The following IRX1 variants were observed in gnomAD, a reference collection of about 807,000 sequenced individuals.
The protein encoded by IRX1 is iroquois homeobox 1.
IRX1 carries 22 observed loss-of-function variants against 34.1 expected under a neutral mutation model. That is an observed-to-expected ratio of 0.64 (90% confidence interval 0.46 to 0.92). The LOEUF is 0.92. Among genes scored for constraint, IRX1 ranks in the 40% least tolerant of loss-of-function variants. The pLI is 0.00. For missense variants in IRX1, 758 were observed against 680.0 expected, an observed-to-expected ratio of 1.11 and a Z score of -1.28; for synonymous variants, 363 against 319.0, an observed-to-expected ratio of 1.14 and a Z score of -1.47.
chr5:3,599,821 G>C lies in IRX1; in HGVS notation c.873G>C (p.Pro291=), dbSNP rs913545730. 2.5e-6 allele frequency: 4 copies of C among 1,572,938 alleles called. No individual in the cohort carries two copies. In the African/African-American group the frequency reaches 4.1e-5, roughly 16 times the overall value. Residue 291 remains proline (P), a synonymous_variant, in exon 2 of 4, where the codon CCG becomes CCC. Transcript: ENST00000302006. This position sits in a 1 kb window ranked among gnomAD's most constrained non-coding sequence, Gnocchi z 6.6. Reference sequence around the variant, plus strand: ...GCCTGGCAAAGGAGGCCCCAGAGCCGGGCAGCACGCGCCTGCTGAGCCCCG... The same window carrying C: ...GCCTGGCAAAGGAGGCCCCAGAGCCCGGCAGCACGCGCCTGCTGAGCCCCG... ...PLGLAKEAPE[P]GSTRLLSPGA... is the part of the protein sequence containing the mutation.
At chr5:3,596,484 G>C in intron 1 of IRX1, 103 bp downstream of exon 1, 1 of 1,183,280 alleles carries the variant, frequency 8.5e-7, no homozygotes, top group Non-Finnish European at 1.1e-6. Context: ...ACCTGGTCCG[G>C]AAGAGGAACT....
At position 3,599,513 on chromosome 5, in the gene IRX1, A is replaced by G. The variant is rs1289205422; in HGVS notation, c.565A>G (p.Asn189Asp). 1 of 1,614,000 alleles carries G rather than the reference A, an allele frequency of 6.2e-7. No homozygotes were observed. The highest frequency in any genetic ancestry group is 8.5e-7 in the Non-Finnish European group (1 of 1,180,018). The change falls in exon 2 of 4, where the codon AAC (asparagine) becomes GAC (aspartate). Residue 189 changes from asparagine to aspartate, a missense_variant. By Grantham distance (23) the Asn-to-Asp change is conservative. Coordinates refer to ENST00000302006, the MANE Select transcript of IRX1 (RefSeq NM_024337.4). This position sits in a 1 kb window ranked among gnomAD's most constrained non-coding sequence, Gnocchi z 6.6. ...ANARRRLKKENKVTWGARSKD... is the reference protein window; with the variant it reads ...ANARRRLKKEDKVTWGARSKD... Reference sequence around the variant, plus strand: ...CGCGCGCCGGCGCCTCAAGAAGGAGAACAAGGTGACATGGGGAGCGCGCAG... The same window carrying G: ...CGCGCGCCGGCGCCTCAAGAAGGAGGACAAGGTGACATGGGGAGCGCGCAG...
At position 3,600,109 on chromosome 5, in the gene IRX1, C is replaced by G. The variant is rs1047600096; in HGVS notation, c.1161C>G (p.Asn387Lys). The G allele has an allele frequency of 6.2e-7, 1 of 1,613,398 alleles. No individual in the cohort carries two copies. Among genetic ancestry groups the G allele is most frequent in the South Asian group, 1.1e-5 (1 of 91,080 alleles). Residue 387 changes from asparagine to lysine, a missense_variant, in exon 2 of 4, where the codon AAC becomes AAG. Around this residue, in one of 3 missense-constraint regions of IRX1, gnomAD observed 529 missense variants for 418.8 expected, o/e 1.26. Coordinates refer to ENST00000302006, the MANE Select transcript of IRX1 (RefSeq NM_024337.4). ...TCCTCGCACAGGGCTCCCTGCTCAA[C>G]ATGCGCTCCTTCCTGGGCGTTGGCG... ...SAFLAQGSLL[N>K]MRSFLGVGAP...
At position 3,601,163 on chromosome 5, in the gene IRX1, A is replaced by G. The variant is rs1432340399; in HGVS notation, c.*123A>G. 2 of 931,188 alleles carry G rather than the reference A, an allele frequency of 2.1e-6. No homozygotes were observed. The highest frequency in any genetic ancestry group is 3.3e-5 in the African/African-American group (2 of 60,982). The allele number at this position is 931,188 out of a possible 1,614,324, so 57.7% of individuals were successfully genotyped here. ...AAGGACAAATATGACAACGACGTCA[A>G]GGACTCGCATCCGTCGCTTTCTGCA... On this transcript the variant is annotated 3_prime_UTR_variant, in exon 4 of 4. Coordinates refer to ENST00000302006, the MANE Select transcript of IRX1 (RefSeq NM_024337.4).
intron 3 of IRX1, 141 bp from the exon 4 acceptor site, chr5:3,600,842 C>A: frequency 8.7e-7 from 1 of 1,153,356 alleles, no homozygotes; most frequent in South Asian, 1.3e-5. Flanking sequence ...GCCGAGGAGA[C>A]TGGAGTTTCT....
In IRX1 at chr5:3,600,057, A is replaced by C. The variant is rs750301169; in HGVS notation, c.1109A>C (p.Lys370Thr). ...GGACTGTACACCTGCCACATCGGCA[A>C]GTTCTCCAACTGGACCAACAGCGCA... ...SHGLYTCHIGKFSNWTNSAFL... is the reference protein window; with the variant it reads ...SHGLYTCHIGTFSNWTNSAFL... The change falls in exon 2 of 4, where the codon AAG becomes ACG. Residue 370 changes from lysine (K) to threonine (T), a missense_variant. By Grantham distance (78) the Lys-to-Thr change is moderately conservative. Around this residue, in one of 3 missense-constraint regions of IRX1, gnomAD observed 529 missense variants for 418.8 expected, o/e 1.26. Coordinates refer to ENST00000302006, the MANE Select transcript of IRX1 (RefSeq NM_024337.4). 1 of 1,606,584 alleles carries C rather than the reference A, an allele frequency of 6.2e-7. No individual in the cohort carries two copies. Among genetic ancestry groups the C allele is most frequent in the South Asian group, 1.1e-5 (1 of 90,342 alleles).
At chr5:3,596,748 A>T (rs1468455715) in intron 1 of IRX1, among the ~76,000 whole-genome samples, 1 of 152,138 alleles carries the variant, frequency 6.6e-6, no homozygotes, top group Non-Finnish European at 1.5e-5. Context: ...GGGTTCCTGC[A>T]GGTCGGCCCG....
At chr5:3,597,842 T>C (rs1251899624) in intron 1 of IRX1, among the ~76,000 whole-genome samples, 1 of 152,180 alleles carries the variant, frequency 6.6e-6, no homozygotes, top group East Asian at 1.9e-4. Context: ...TTTGCTAACA[T>C]TGCAACTAGA....
At chr5:3,596,914 G>A (rs1743710847) in intron 1 of IRX1, among the ~76,000 whole-genome samples, 1 of 152,106 alleles carries the variant, frequency 6.6e-6, no homozygotes, top group African/African-American at 2.4e-5. Context: ...TCTAAGCCTG[G>A]TAGAGTCAAT....
rs745983655 is a variant in IRX1, at chr5:3,599,628, G to C, written c.680G>C (p.Ser227Thr). The change falls in exon 2 of 4, where the codon AGC (serine) becomes ACC (threonine). Residue 227 changes from serine (S) to threonine (T), a missense_variant. Physicochemically the swap from Ser to Thr is moderately conservative, Grantham distance 58 (BLOSUM62 1). Around this residue, in one of 3 missense-constraint regions of IRX1, gnomAD observed 529 missense variants for 418.8 expected, o/e 1.26. Transcript: ENST00000302006. The surrounding 1 kb of genome is among the most constrained non-coding windows in gnomAD (Gnocchi z 6.6). ...GACGACGAGGAGATCGACCTGGAAAGCATCGACATTGACAAGATCGACGAG... is the reference window on the plus strand; with the variant it reads ...GACGACGAGGAGATCGACCTGGAAACCATCGACATTGACAAGATCGACGAG... ...AEDDEEIDLE[S>T]IDIDKIDEHD... The C allele has an allele frequency of 1.2e-6, 2 of 1,613,964 alleles. No individual in the cohort carries two copies. The highest frequency in any genetic ancestry group is 1.7e-6 in the Non-Finnish European group (2 of 1,180,014).
chr5:3,596,458 G>A, intron 1 of IRX1, 77 bp downstream of exon 1: 1 of 1,325,584 alleles, frequency 7.5e-7, no homozygotes, highest in South Asian at 1.8e-5. Flanking sequence ...GCCCGGGAGG[G>A]AGAGACTACG....
rs1389724739 is a variant in IRX1 at position 3,600,229 on chromosome 5, G to C, written c.1281G>C (p.Lys427Asn). 4 of 1,604,714 alleles carry C rather than the reference G, an allele frequency of 2.5e-6. No individual in the cohort carries two copies. Among genetic ancestry groups the C allele is most frequent in the Non-Finnish European group, 3.4e-6 (4 of 1,176,972 alleles). ...CCCCGGGGGCACTCAATGGAGACAAGGCCTCGGTCCGCAGCAGCCCCACGC... is the reference window on the plus strand; with the variant it reads ...CCCCGGGGGCACTCAATGGAGACAACGCCTCGGTCCGCAGCAGCCCCACGC... ...AIAPGALNGD[K>N]ASVRSSPTLP... Residue 427 changes from lysine to asparagine, a missense_variant, in exon 2 of 4, where the codon AAG (lysine) becomes AAC (asparagine). This residue lies in a region of IRX1 where 529 missense variants were observed against 418.8 expected (regional missense o/e 1.26). Transcript: ENST00000302006.
Position 3,596,324 on chromosome 5 carries a change from G to A in IRX1, c.219G>A (p.Ala73=). 2.0e-6 allele frequency: 3 copies of A among 1,509,220 alleles called. No homozygotes were observed. The highest frequency in any genetic ancestry group is 2.6e-6 in the Non-Finnish European group (3 of 1,132,598). 93.5% of individuals were successfully genotyped at this position (1,509,220 alleles called of 1,614,324 possible). ...MYAAAGPYAG[A]PNYSAFLPYA... ...CGGCGGCGGGGCCGTACGCGGGCGC[G>A]CCCAACTACAGCGCCTTCCTGCCCT... The change falls in exon 1 of 4, where the codon GCG becomes GCA. Residue 73 remains alanine (A), a synonymous_variant. Transcript: ENST00000302006.
rs760709577 is a variant in IRX1, at chr5:3,596,383, T to G, written c.276+2T>G. ...GATCTCAGCCTCTTCTCGCAGATGG[T>G]GAGTGCGCCCGGCCTCCCCCGCTTC... is the stretch of plus-strand genomic sequence containing the variant. On this transcript the variant is annotated splice_donor_variant, in intron 1 of 3. Transcript: ENST00000302006. LOFTEE classifies it high-confidence loss of function. 1 of 1,519,082 alleles carries G rather than the reference T, an allele frequency of 6.6e-7. No individual in the cohort carries two copies. Among genetic ancestry groups the G allele is most frequent in the Non-Finnish European group, 8.8e-7 (1 of 1,136,044 alleles). 94.1% of individuals were successfully genotyped at this position (1,519,082 alleles called of 1,614,324 possible). A position where few individuals can be genotyped will look rare whatever the true frequency, so the allele number is the denominator to read the frequency against.
At chr5:3,596,402 C>G in intron 1 of IRX1, 21 bp downstream of exon 1, 15 of 1,491,910 alleles carry the variant, frequency 1.0e-5, no homozygotes, top group Non-Finnish European at 1.3e-5. Context: ...CCGGCCTCCC[C>G]CGCTTCTCCT....
At chr5:3,600,886 G>T in intron 3 of IRX1, 97 bp from the exon 4 acceptor site, 8 of 1,352,316 alleles carry the variant, frequency 5.9e-6, no homozygotes, top group Non-Finnish European at 8.5e-6. Context: ...TGTCGACCCC[G>T]CCCCCAGGGC....
chr5:3,597,115 C>T (rs550057015), intron 1 of IRX1, among the ~76,000 whole-genome samples: 1 of 152,204 alleles, frequency 6.6e-6, no homozygotes, highest in East Asian at 1.9e-4. Context: ...TTTCTTCCTG[C>T]GTTACATAAT....
At chr5:3,600,719 G>T (rs774102586) in intron 3 of IRX1, 38 bp downstream of exon 3, 18 of 1,572,644 alleles carry the variant, frequency 1.1e-5, no homozygotes, top group Non-Finnish European at 1.5e-5. Context: ...AGAAGGCGGT[G>T]GGGAGGGGGG....
Position 3,599,870 on chromosome 5 carries a change from G to A in IRX1, c.922G>A (p.Gly308Ser). 1 of 1,507,650 alleles carries A rather than the reference G, an allele frequency of 6.6e-7. No homozygotes were observed. The allele number at this position is 1,507,650 out of a possible 1,614,324, so 93.4% of individuals were successfully genotyped here. A position where few individuals can be genotyped will look rare whatever the true frequency, so the allele number is the denominator to read the frequency against. Residue 308 changes from glycine to serine, a missense_variant, in exon 2 of 4, where the codon GGT becomes AGT. This residue lies in a region of IRX1 where 529 missense variants were observed against 418.8 expected (regional missense o/e 1.26). Coordinates refer to ENST00000302006, the MANE Select transcript of IRX1 (RefSeq NM_024337.4). The surrounding 1 kb of genome is among the most constrained non-coding windows in gnomAD (Gnocchi z 6.6). ...CGGCGCTGCAGCGGGCGGCCTGCAG[G>A]GTGCGCCGCACGGCAAGCCCAAGAT... ...SPGAAAGGLQ[G>S]APHGKPKIWS...
Sources: allele counts gnomAD v4.1 joint callset (sites outside exome capture counted in the v4.1 genomes callset), GRCh38; gene constraint gnomAD v4.1.1; regional missense constraint gnomAD v4.1.1; non-coding constraint Gnocchi (gnomAD v3.1); transcripts MANE v1.5; gene names NCBI Gene and HGNC (gene_info 2026-07-23, HGNC 2026-07-21).